AGBL4: variants seen among roughly 807,000 people sequenced by gnomAD.
AGBL4 encodes the protein cytosolic carboxypeptidase 6.
AGBL4 carries 58 observed loss-of-function variants against 66.4 expected under a neutral mutation model. That is an observed-to-expected ratio of 0.87 (90% CI 0.71 to 1.09). The LOEUF (loss-of-function observed/expected upper bound fraction) is 1.09, where lower values mean the gene tolerates loss of function less well. AGBL4 is among the 50% of genes least tolerant of loss of function. The pLI, the probability that AGBL4 is intolerant of heterozygous loss-of-function variation, is 0.00. For synonymous variants in AGBL4, 234 were observed against 222.9 expected, an observed-to-expected ratio of 1.05 and a Z score of -0.44; for missense variants, 579 against 631.0, an observed-to-expected ratio of 0.92 and a Z score of 0.88.
In AGBL4 at chr1:49,479,695, CT is replaced by C. The variant is rs1389310882; in HGVS notation, c.282+217617del. Among the ~76,000 whole-genome samples, 6 of 148,360 alleles carry C rather than the reference CT, an allele frequency of 4.0e-5. 1 individual carries two copies. Among genetic ancestry groups the C allele is most frequent in the East Asian group, 2.0e-4 (1 of 5,058 alleles). ...GTGTATATGTACCACATTTTCTTTT[CT>C]TTTTTTCTTTTTTTTTTTTTTTTGA... On this transcript the variant is annotated intron_variant, in intron 3 of 13. Coordinates refer to ENST00000371839, the MANE Select transcript of AGBL4 (RefSeq NM_032785.4).
chr1:49,506,497 C>A (rs1648701675), intron 3 of AGBL4, among the ~76,000 whole-genome samples: 1 of 151,884 alleles, frequency 6.6e-6, no homozygotes, highest in South Asian at 2.1e-4. Flanking sequence ...GTGAATCAGT[C>A]TCATGAGATC....
At chr1:49,763,480 A>T (rs544706216) in intron 2 of AGBL4, among the ~76,000 whole-genome samples, 3 of 152,198 alleles carry the variant, frequency 2.0e-5, no homozygotes, top group Non-Finnish European at 4.4e-5. Flanking sequence ...AGCAAATACT[A>T]GTTCTTCAAG....
At chr1:49,005,818 T>C (rs1406669671) in intron 5 of AGBL4, among the ~76,000 whole-genome samples, 1 of 151,926 alleles carries the variant, frequency 6.6e-6, no homozygotes, top group Non-Finnish European at 1.5e-5. Context: ...CTGACCAACA[T>C]GGTGAAACCC....
At chr1:49,933,840 G>C (rs984161728) in intron 1 of AGBL4, among the ~76,000 whole-genome samples, 2 of 151,990 alleles carry the variant, frequency 1.3e-5, no homozygotes, top group South Asian at 2.1e-4. Context: ...AACACAAAGG[G>C]AGATAGCAAG....
chr1:49,433,498 A>G (rs989163281), intron 3 of AGBL4, among the ~76,000 whole-genome samples: 1 of 152,212 alleles, frequency 6.6e-6, no homozygotes, highest in Non-Finnish European at 1.5e-5. Flanking sequence ...TTGTTGAGTG[A>G]GAGAATAGGA....
chr1:49,853,017 C>A (rs1205445378), intron 1 of AGBL4, among the ~76,000 whole-genome samples: 7 of 152,100 alleles, frequency 4.6e-5, no homozygotes, highest in Non-Finnish European at 8.8e-5. Context: ...TTTATAGTAA[C>A]AAATAATATT....
chr1:48,967,632 G>A (rs1010500919), intron 5 of AGBL4, among the ~76,000 whole-genome samples: 1 of 152,144 alleles, frequency 6.6e-6, no homozygotes, highest in African/African-American at 2.4e-5. Context: ...AACGCTTCCT[G>A]GAGGAGATGC....
intron 5 of AGBL4, among the ~76,000 whole-genome samples, chr1:48,964,916 T>TCAAA (rs553157826): frequency 6.6e-6 from 1 of 152,042 alleles, no homozygotes; most frequent in Non-Finnish European, 1.5e-5. Flanking sequence ...TGAAAAAAAA[T>TCAAA]CAAACAGTTT....
rs866647859 is a variant in AGBL4 at position 48,869,439 on chromosome 1, T to C, written c.595-2209A>G. 1.6e-4 allele frequency among the ~76,000 whole-genome samples: 24 copies of C among 152,350 alleles called. 1 individual carries two copies. Among genetic ancestry groups the C allele is most frequent in the South Asian group, 1.0e-3 (5 of 4,832 alleles). On this transcript the variant is annotated intron_variant, in intron 5 of 13. Coordinates refer to ENST00000371839, the MANE Select transcript of AGBL4 (RefSeq NM_032785.4). ...AGGGAAGAATCCATCATGTCCTTTT[T>C]TCATACACTTGACTTTGTGATGATC...
At chr1:49,074,436 C>A (rs1018908348) in intron 4 of AGBL4, among the ~76,000 whole-genome samples, 1 of 152,164 alleles carries the variant, frequency 6.6e-6, no homozygotes, top group African/African-American at 2.4e-5. Context: ...GAACCAGGTA[C>A]CTCAGTTGGA....
At chr1:49,936,425 C>T (rs914934884) in intron 1 of AGBL4, among the ~76,000 whole-genome samples, 1 of 152,104 alleles carries the variant, frequency 6.6e-6, no homozygotes, top group African/African-American at 2.4e-5. Context: ...AGGACATTAC[C>T]CAGGAGAACT....
Position 49,045,599 on chromosome 1 carries a change from C to G in AGBL4, c.579G>C (p.Gln193His). 1 of 1,604,536 alleles carries G rather than the reference C, an allele frequency of 6.2e-7. No individual in the cohort carries two copies. Among genetic ancestry groups the G allele is most frequent in the Non-Finnish European group, 8.5e-7 (1 of 1,175,342 alleles). ...KRNMDYFFRE[Q>H]LGQSVQQRKL... The stretch of plus-strand genomic sequence containing the variant: ...CAGGCCTTACCACACTCTGGCCCAG[C>G]TGCTCCCGAAAGAAGTAATCCATGT... The change falls in exon 5 of 14, where the codon CAG becomes CAC. Residue 193 changes from glutamine (Q) to histidine (H), a missense_variant. Coordinates refer to ENST00000371839, the MANE Select transcript of AGBL4 (RefSeq NM_032785.4).
At chr1:49,372,617 TTCTTTCTTTCTTTCTTTC>T (rs1644375590) in intron 3 of AGBL4, among the ~76,000 whole-genome samples, 1 of 56,394 alleles carries the variant, frequency 1.8e-5, no homozygotes, top group Non-Finnish European at 3.7e-5. Context: ...TTTTCTTTCT[TTCTTTCTTTCTTTCTTTC>T]TTTCTTTCTT....
intron 3 of AGBL4, among the ~76,000 whole-genome samples, chr1:49,284,888 C>T (rs1408641962): frequency 6.6e-6 from 1 of 150,378 alleles, no homozygotes; most frequent in Non-Finnish European, 1.5e-5. Flanking sequence ...CCTGAGTGAC[C>T]TACAAAGAGA....
At chr1:49,015,714 G>A (rs1662772581) in intron 5 of AGBL4, among the ~76,000 whole-genome samples, 1 of 151,780 alleles carries the variant, frequency 6.6e-6, no homozygotes, top group African/African-American at 2.4e-5. Context: ...TTGAGCCACC[G>A]CGCCTGGCCT....
At chr1:48,831,821 T>A (rs1934404) in intron 6 of AGBL4, among the ~76,000 whole-genome samples, 25,458 of 152,198 alleles carry the variant, frequency 0.17, 2,717 homozygotes, top group East Asian at 0.41. Flanking sequence ...GCAGTTTCTT[T>A]TTGCTGAGTG....
At chr1:49,143,280 C>G (rs1646153422) in intron 4 of AGBL4, among the ~76,000 whole-genome samples, 1 of 152,146 alleles carries the variant, frequency 6.6e-6, no homozygotes, top group Non-Finnish European at 1.5e-5. Context: ...CCCAGAATGG[C>G]CTTCCTGCTC....
intron 2 of AGBL4, among the ~76,000 whole-genome samples, chr1:49,772,927 T>A (rs1644103455): frequency 1.3e-5 from 2 of 152,136 alleles, no homozygotes; most frequent in African/African-American, 2.4e-5. Context: ...GTTAAATAGG[T>A]CTTCTGTATC....
intron 6 of AGBL4, among the ~76,000 whole-genome samples, chr1:48,744,591 C>T (rs547524389): frequency 6.6e-6 from 1 of 152,312 alleles, no homozygotes; most frequent in African/African-American, 2.4e-5. Flanking sequence ...CCTCTAAAGC[C>T]TCCTTTTCCT....
Sources: allele counts gnomAD v4.1 joint callset (sites outside exome capture counted in the v4.1 genomes callset), GRCh38; gene constraint gnomAD v4.1.1; transcripts MANE v1.5; gene names NCBI Gene and HGNC (gene_info 2026-07-23, HGNC 2026-07-21).